The following ASTN2 variants were observed in gnomAD, a reference collection of about 807,000 sequenced individuals.
The protein encoded by ASTN2 is astrotactin 2, also known as astrotactin-2.
ASTN2 carries 54 observed loss-of-function variants against 139.8 expected under a neutral mutation model. The observed-to-expected ratio is 0.39, with a 90% CI of 0.31 to 0.48. The LOEUF is 0.48. Ranked by LOEUF, ASTN2 falls within the 20% of genes least tolerant of loss-of-function variation. ASTN2 has a pLI of 0.95. For synonymous variants in ASTN2, 756 were observed against 719.5 expected (o/e 1.05, Z -0.81); for missense variants, 1,565 against 1,725.1 (o/e 0.91, Z 1.64).
intron 6 of ASTN2, among the ~76,000 whole-genome samples, chr9:117,026,036 A>G (rs1324945031): frequency 6.6e-6 from 1 of 151,856 alleles, no homozygotes; most frequent in Non-Finnish European, 1.5e-5. Context: ...AAGTGTTGGG[A>G]TTACAGGCAT....
Position 116,625,196 on chromosome 9 carries a change from C to T in ASTN2, c.3073-4753G>A, listed in dbSNP as rs182453920. Among the ~76,000 whole-genome samples the T allele has an allele frequency of 3.9e-5, 6 of 152,142 alleles. No homozygotes were observed. In the East Asian group the frequency reaches 9.7e-4, roughly 25 times the overall value. On this transcript the variant is annotated intron_variant, in intron 17 of 22. Transcript: ENST00000313400. Reference sequence around the variant, plus strand: ...CTGTAATCCCAGCACTTTGGAAGGCCGAGGCGGGTGGATCACGAGGTCAGG... The same window carrying T: ...CTGTAATCCCAGCACTTTGGAAGGCTGAGGCGGGTGGATCACGAGGTCAGG...
intron 10 of ASTN2, among the ~76,000 whole-genome samples, chr9:116,967,423 T>C (rs1836044624): frequency 1.3e-5 from 2 of 152,192 alleles, no homozygotes; most frequent in South Asian, 4.1e-4. Context: ...ATTGAAGTTC[T>C]GTCACCCTTT....
intron 2 of ASTN2, among the ~76,000 whole-genome samples, chr9:117,248,915 A>C (rs972436945): frequency 6.6e-5 from 10 of 152,226 alleles, no homozygotes; most frequent in Non-Finnish European, 1.3e-4. Flanking sequence ...CTCACTGCTG[A>C]TGATGAGGTT....
intron 19 of ASTN2, among the ~76,000 whole-genome samples, chr9:116,541,301 T>C (rs1186540819): frequency 1.3e-5 from 2 of 152,160 alleles, no homozygotes; most frequent in African/African-American, 4.8e-5. Context: ...AGAAAATAAC[T>C]GATAATATAA....
intron 19 of ASTN2, among the ~76,000 whole-genome samples, chr9:116,524,741 C>T (rs905249822): frequency 6.6e-6 from 1 of 152,204 alleles, no homozygotes; most frequent in African/African-American, 2.4e-5. Flanking sequence ...GAGCCCCTCA[C>T]ATGACTTTCA....
intron 19 of ASTN2, among the ~76,000 whole-genome samples, chr9:116,511,822 A>T (rs57101343): frequency 0.18 from 27,314 of 151,910 alleles, 2,826 homozygotes; most frequent in African/African-American, 0.28. Flanking sequence ...TGACGGTAGT[A>T]TGTATCTCTG....
At chr9:116,631,553 AG>A (rs1388268925) in intron 17 of ASTN2, among the ~76,000 whole-genome samples, 5 of 139,592 alleles carry the variant, frequency 3.6e-5, no homozygotes, top group African/African-American at 1.3e-4. Context: ...GGTAGTTACC[AG>A]AGCCTAGGAA....
Position 117,039,942 on chromosome 9 carries a change from T to G in ASTN2, c.1300A>C (p.Lys434Gln), listed in dbSNP as rs1386214859. 1.9e-6 allele frequency: 3 copies of G among 1,612,502 alleles called. No homozygotes were observed. Among genetic ancestry groups the G allele is most frequent in the Non-Finnish European group, 1.7e-6 (2 of 1,179,136 alleles). The change falls in exon 6 of 23, where the codon AAG becomes CAG. Residue 434 changes from lysine (K) to glutamine (Q), a missense_variant. Lys to Gln is a moderately conservative substitution (Grantham distance 53, BLOSUM62 1). Transcript: ENST00000313400. ...ACAGCAATCAGTGTCAGGGCTGTCTTGTTCACTGGGCTTTTCAGCAAACCT... is the reference window on the plus strand; with the variant it reads ...ACAGCAATCAGTGTCAGGGCTGTCTGGTTCACTGGGCTTTTCAGCAAACCT... The part of the protein sequence containing the change: ...SKGLLKSPVN[K>Q]TALTLIAVSS...
At chr9:117,288,079 C>T (rs1363220306) in intron 2 of ASTN2, among the ~76,000 whole-genome samples, 2 of 152,146 alleles carry the variant, frequency 1.3e-5, no homozygotes, top group Non-Finnish European at 2.9e-5. Flanking sequence ...CTTTTTTTCT[C>T]TGCATCCTGC....
At chr9:117,267,905 C>T (rs1833971925) in intron 2 of ASTN2, among the ~76,000 whole-genome samples, 1 of 152,216 alleles carries the variant, frequency 6.6e-6, no homozygotes, top group Non-Finnish European at 1.5e-5. Flanking sequence ...GCTCCTGCAA[C>T]TCCTCCGAAC....
At chr9:117,187,311 G>A (rs1831226272) in intron 3 of ASTN2, among the ~76,000 whole-genome samples, 1 of 152,066 alleles carries the variant, frequency 6.6e-6, no homozygotes, top group African/African-American at 2.4e-5. Flanking sequence ...AAGCCCTGAG[G>A]AAAGAACTGT....
intron 19 of ASTN2, chr9:116,568,546 G>T (rs1009208649): frequency 1.3e-5 from 2 of 152,028 alleles, no homozygotes; most frequent in Non-Finnish European, 2.9e-5. Flanking sequence ...CTGAATGAGA[G>T]ACCCATCCTA....
intron 12 of ASTN2, among the ~76,000 whole-genome samples, chr9:116,813,231 T>C (rs952962160): frequency 5.3e-5 from 8 of 152,160 alleles, no homozygotes; most frequent in Non-Finnish European, 1.0e-4. Flanking sequence ...CTGAAGGCAA[T>C]GGATGTGTTA....
At chr9:116,756,578 G>A (rs887443550) in intron 13 of ASTN2, among the ~76,000 whole-genome samples, 1 of 151,952 alleles carries the variant, frequency 6.6e-6, no homozygotes, top group African/African-American at 2.4e-5. Flanking sequence ...ATGGCTTGGG[G>A]CTTAGCTCTG....
intron 13 of ASTN2, among the ~76,000 whole-genome samples, chr9:116,783,374 C>T (rs1830274305): frequency 7.0e-6 from 1 of 143,452 alleles, no homozygotes; most frequent in South Asian, 2.5e-4. Flanking sequence ...GTCATTCTTC[C>T]CTCCTTTCAA....
At chr9:116,554,325 T>C (rs1230282871) in intron 19 of ASTN2, among the ~76,000 whole-genome samples, 1 of 152,200 alleles carries the variant, frequency 6.6e-6, no homozygotes, top group African/African-American at 2.4e-5. Context: ...TTGGTGGATG[T>C]TAAGAAGACA....
chr9:117,408,507 T>C (rs1831070689), intron 1 of ASTN2, among the ~76,000 whole-genome samples: 2 of 152,170 alleles, frequency 1.3e-5, no homozygotes, highest in Admixed American at 6.5e-5. Flanking sequence ...ATATTCACAA[T>C]GGCCTATGGC....
chr9:116,484,827 C>T (rs1849288343), intron 20 of ASTN2, among the ~76,000 whole-genome samples: 1 of 152,078 alleles, frequency 6.6e-6, no homozygotes, highest in Non-Finnish European at 1.5e-5. Flanking sequence ...AAAGAAGGGG[C>T]AAAGGAAAGT....
chr9:117,120,130 G>T (rs906788528), intron 4 of ASTN2, among the ~76,000 whole-genome samples: 2 of 149,748 alleles, frequency 1.3e-5, no homozygotes, highest in Non-Finnish European at 3.0e-5. Flanking sequence ...TATTGGGTGT[G>T]GGGGTGGGAA....
Sources: gnomAD v4.1 joint callset for allele counts (sites outside exome capture counted in the v4.1 genomes callset) on GRCh38, gnomAD v4.1.1 for gene constraint, MANE v1.5 for transcripts, NCBI Gene and HGNC (gene_info 2026-07-23, HGNC 2026-07-21) for gene names.